The following PTPN1 variants were observed in gnomAD, a reference collection of about 807,000 sequenced individuals.
PTPN1 encodes tyrosine-protein phosphatase non-receptor type 1.
A neutral mutation model predicts 59.9 loss-of-function variants in PTPN1; 12 were observed. That is an observed-to-expected ratio of 0.20 (90% CI 0.13 to 0.32). The LOEUF (loss-of-function observed/expected upper bound fraction) is 0.32. Among genes scored for constraint, PTPN1 ranks in the 10% least tolerant of loss-of-function variants. The probability of loss-of-function intolerance (pLI) is 1.00; values close to 1 mark genes in which losing one functional copy is unlikely to be tolerated. For missense variants in PTPN1, 356 were observed against 549.2 expected (o/e 0.65, Z 3.52); for synonymous variants, 178 against 203.6 (o/e 0.87, Z 1.07).
rs2082848337 is a variant in PTPN1, at chr20:50,578,523, G to A, written c.596G>A (p.Arg199Gln). Residue 199 changes from arginine to glutamine, a missense_variant, in exon 6 of 10, where the codon CGA becomes CAA. This residue lies in a region of PTPN1 where 194 missense variants were observed against 344.2 expected (regional missense o/e 0.56). Coordinates refer to ENST00000371621, the MANE Select transcript of PTPN1 (RefSeq NM_002827.4). ...ASFLNFLFKV[R>Q]ESGSLSPEHG... ...TTCTTGAACTTTCTTTTCAAAGTCCGAGAGTCAGGGTCACTCAGCCCGGAG... is the reference window on the plus strand; with the variant it reads ...TTCTTGAACTTTCTTTTCAAAGTCCAAGAGTCAGGGTCACTCAGCCCGGAG... The A allele has an allele frequency of 4.3e-6, 7 of 1,614,070 alleles. No individual in the cohort carries two copies. The highest frequency in any genetic ancestry group is 5.1e-6 in the Non-Finnish European group (6 of 1,180,038).
intron 1 of PTPN1, among the ~76,000 whole-genome samples, chr20:50,535,206 T>C (rs765766448): frequency 6.6e-6 from 1 of 152,180 alleles, no homozygotes; most frequent in African/African-American, 2.4e-5. Context: ...CTTGAAAACT[T>C]CCATTCCCCA....
intron 1 of PTPN1, among the ~76,000 whole-genome samples, chr20:50,529,850 T>A (rs1284335152): frequency 6.6e-6 from 1 of 152,208 alleles, no homozygotes; most frequent in African/African-American, 2.4e-5. Flanking sequence ...GTTTGGCTTC[T>A]TGTTATATTT....
At position 50,581,321 on chromosome 20, in the gene PTPN1, C is replaced by A. The variant is rs146344551; in HGVS notation, c.1145C>A (p.Ala382Asp). 685 of 1,613,910 alleles carry A rather than the reference C, an allele frequency of 4.2e-4. No individual in the cohort carries two copies. The highest frequency in any genetic ancestry group is 5.3e-4 in the Non-Finnish European group (627 of 1,179,778). The stretch of plus-strand genomic sequence containing the variant: ...GTCGTGGGGGGAAGTCTTCGAGGTG[C>A]CCAGGCTGCCTCCCCAGCCAAAGGG... The part of the protein sequence containing the change: ...SRVVGGSLRG[A>D]QAASPAKGEP... Residue 382 changes from alanine (A) to aspartate (D), a missense_variant, in exon 9 of 10, where the codon GCC becomes GAC. Physicochemically the swap from Ala to Asp is moderately radical, Grantham distance 126. Transcript: ENST00000371621.
Position 50,578,490 on chromosome 20 carries a change from C to T in PTPN1, c.563C>T (p.Pro188Leu). The change falls in exon 6 of 10, where the codon CCA becomes CTA. Residue 188 changes from proline to leucine, a missense_variant. Coordinates refer to ENST00000371621, the MANE Select transcript of PTPN1 (RefSeq NM_002827.4). ...TWPDFGVPESPASFLNFLFKV... is the reference protein window; with the variant it reads ...TWPDFGVPESLASFLNFLFKV... ...CCTGACTTTGGAGTCCCTGAATCACCAGCCTCATTCTTGAACTTTCTTTTC... is the reference window on the plus strand; with the variant it reads ...CCTGACTTTGGAGTCCCTGAATCACTAGCCTCATTCTTGAACTTTCTTTTC... The T allele has an allele frequency of 6.2e-7, 1 of 1,614,196 alleles. No individual in the cohort carries two copies. Among genetic ancestry groups the T allele is most frequent in the Non-Finnish European group, 8.5e-7 (1 of 1,180,032 alleles).
intron 1 of PTPN1, among the ~76,000 whole-genome samples, chr20:50,533,425 A>G (rs939195176): frequency 6.6e-6 from 1 of 152,186 alleles, no homozygotes; most frequent in East Asian, 1.9e-4. Context: ...GGGAGACATC[A>G]CATTACCCAC....
In PTPN1 at chr20:50,579,288, A is replaced by C. The variant is rs889277600; in HGVS notation, c.823A>C (p.Ile275Leu). The C allele has an allele frequency of 1.9e-5, 31 of 1,614,120 alleles. No individual in the cohort carries two copies. Among genetic ancestry groups the C allele is most frequent in the Non-Finnish European group, 2.5e-5 (30 of 1,180,048 alleles). The stretch of plus-strand genomic sequence containing the variant: ...GCTGCGCTTCTCCTACCTGGCTGTG[A>C]TCGAAGGTGCCAAATTCATCATGGG... The part of the protein sequence containing the change: ...DQLRFSYLAV[I>L]EGAKFIMGDS... The change falls in exon 7 of 10, where the codon ATC (isoleucine) becomes CTC (leucine). Residue 275 changes from isoleucine to leucine, a missense_variant. Transcript: ENST00000371621.
intron 5 of PTPN1, among the ~76,000 whole-genome samples, chr20:50,575,684 G>A (rs2082833280): frequency 6.6e-6 from 1 of 152,186 alleles, no homozygotes; most frequent in Admixed American, 6.5e-5. Flanking sequence ...AGCACTTGGG[G>A]AGGCTGAGGC....
intron 1 of PTPN1, among the ~76,000 whole-genome samples, chr20:50,524,612 T>C: frequency 7.3e-6 from 1 of 136,864 alleles, no homozygotes; most frequent in South Asian, 2.4e-4. Flanking sequence ...AGTCTCGCTC[T>C]GTCACCCAGG....
intron 4 of PTPN1, chr20:50,571,762 A>ACACC (rs1271497702): frequency 6.6e-6 from 1 of 152,186 alleles, no homozygotes; most frequent in Non-Finnish European, 1.5e-5. Context: ...TTGACTTTAG[A>ACACC]CACCTCAGTG....
intron 1 of PTPN1, among the ~76,000 whole-genome samples, 154 bp downstream of exon 1, chr20:50,510,744 C>G (rs1273010716): frequency 2.6e-5 from 4 of 151,610 alleles, no homozygotes; most frequent in African/African-American, 9.7e-5. Context: ...TGCGTCCCCC[C>G]ACCCTTTGTC....
intron 1 of PTPN1, among the ~76,000 whole-genome samples, chr20:50,538,473 G>A (rs910940899): frequency 6.6e-6 from 1 of 152,190 alleles, no homozygotes; most frequent in African/African-American, 2.4e-5. Flanking sequence ...GATGTGTACA[G>A]TGTGATCCTT....
At chr20:50,549,537 G>T (rs983028510) in intron 1 of PTPN1, among the ~76,000 whole-genome samples, 1 of 152,102 alleles carries the variant, frequency 6.6e-6, no homozygotes, top group Non-Finnish European at 1.5e-5. Flanking sequence ...GCTGTGGCAG[G>T]GACAGTTACT....
intron 1 of PTPN1, among the ~76,000 whole-genome samples, chr20:50,543,766 A>C (rs187982511): frequency 1.5e-4 from 23 of 152,390 alleles, no homozygotes; most frequent in African/African-American, 4.8e-4. Context: ...TCGAAGAAGA[A>C]GACTTTCTAC....
Position 50,520,362 on chromosome 20 carries a change from ACT to A in PTPN1, c.63+9775_63+9776del, listed in dbSNP as rs1190633738. Among the ~76,000 whole-genome samples the A allele has an allele frequency of 1.4e-4, 17 of 124,682 alleles. 1 individual carries two copies. The highest frequency in any genetic ancestry group is 5.5e-4 in the African/African-American group (16 of 29,168). The allele number at this position is 124,682 out of a possible 152,430, so 81.8% of individuals were successfully genotyped here. A position where few individuals can be genotyped will look rare whatever the true frequency, so the allele number is the denominator to read the frequency against. Reference sequence around the variant, plus strand: ...CTACAGCCTGGGGGACAAGAGTGAAACTCTGTCTCAAAAAAAAAAAAAAAATT... The same window carrying A: ...CTACAGCCTGGGGGACAAGAGTGAAACTGTCTCAAAAAAAAAAAAAAAATT... On this transcript the variant is annotated intron_variant, in intron 1 of 9. Coordinates refer to ENST00000371621, the MANE Select transcript of PTPN1 (RefSeq NM_002827.4).
rs2082882228 is a variant in PTPN1 at position 50,583,808 on chromosome 20, T to A, written c.*1093T>A. 2 of 152,708 alleles carry A rather than the reference T, an allele frequency of 1.3e-5. No individual in the cohort carries two copies. The highest frequency in any genetic ancestry group is 1.3e-4 in the Admixed American group (2 of 15,284). The allele number at this position is 152,708 out of a possible 1,614,324, so 9.5% of individuals were successfully genotyped here. A position where few individuals can be genotyped will look rare whatever the true frequency, so the allele number is the denominator to read the frequency against. On this transcript the variant is annotated 3_prime_UTR_variant, in exon 10 of 10. Coordinates refer to ENST00000371621, the MANE Select transcript of PTPN1 (RefSeq NM_002827.4). ...GACATTCCAAGGGTATGGGAAGCCATATTCACACCTCACGCTCTGGACATG... is the reference window on the plus strand; with the variant it reads ...GACATTCCAAGGGTATGGGAAGCCAAATTCACACCTCACGCTCTGGACATG...
intron 1 of PTPN1, among the ~76,000 whole-genome samples, chr20:50,514,530 T>G (rs2082520852): frequency 6.6e-6 from 1 of 152,220 alleles, no homozygotes; most frequent in African/African-American, 2.4e-5. Flanking sequence ...TGCTTTTTCT[T>G]TCTTTCTTTC....
Position 50,579,826 on chromosome 20 carries a change from A to T in PTPN1, c.988A>T (p.Asn330Tyr). 1.2e-6 allele frequency: 2 copies of T among 1,614,174 alleles called. No homozygotes were observed. The highest frequency in any genetic ancestry group is 1.7e-6 in the Non-Finnish European group (2 of 1,180,020). ...TGGGAAATGCAGGGAGTTCTTCCCAAATCACCAGTGGGTGAAGGAAGAGAC... is the reference window on the plus strand; with the variant it reads ...TGGGAAATGCAGGGAGTTCTTCCCATATCACCAGTGGGTGAAGGAAGAGAC... The part of the protein sequence containing the change: ...HNGKCREFFP[N>Y]HQWVKEETQE... The change falls in exon 8 of 10, where the codon AAT becomes TAT. Residue 330 changes from asparagine to tyrosine, a missense_variant. Physicochemically the swap from Asn to Tyr is moderately radical, Grantham distance 143. Transcript: ENST00000371621.
At chr20:50,579,045 ACCT>A in intron 6 of PTPN1, 120 bp from the exon 7 acceptor site, 1 of 1,174,630 alleles carries the variant, frequency 8.5e-7, no homozygotes, top group South Asian at 1.4e-5. Context: ...ACCCAGCCCC[ACCT>A]CCAACACTAG....
intron 1 of PTPN1, among the ~76,000 whole-genome samples, chr20:50,555,859 C>T (rs940407870): frequency 3.3e-5 from 5 of 152,078 alleles, no homozygotes; most frequent in African/African-American, 7.2e-5. Flanking sequence ...GGTAAATATT[C>T]GTTAGCTGAG....
Sources: allele counts gnomAD v4.1 joint callset (sites outside exome capture counted in the v4.1 genomes callset), GRCh38; gene constraint gnomAD v4.1.1; regional missense constraint gnomAD v4.1.1; transcripts MANE v1.5; gene names NCBI Gene and HGNC (gene_info 2026-07-23, HGNC 2026-07-21).